Variants in KCNT2 observed in about 807,000 individuals in gnomAD.
The protein encoded by KCNT2 is potassium channel subfamily T member 2.
A neutral mutation model predicts 153.8 loss-of-function variants in KCNT2; 67 were observed. That is an observed-to-expected ratio of 0.44 (90% CI 0.36 to 0.53). The LOEUF is 0.53. Ranked by LOEUF, KCNT2 falls within the 20% of genes least tolerant of loss-of-function variation. The pLI, the probability that KCNT2 is intolerant of heterozygous loss-of-function variation, is 0.00. For missense variants in KCNT2, 975 were observed against 1,354.8 expected, an observed-to-expected ratio of 0.72 and a Z score of 4.40; for synonymous variants, 500 against 458.8, an observed-to-expected ratio of 1.09 and a Z score of -1.15.
At chr1:196,499,482 G>T (rs886421374) in intron 1 of KCNT2, among the ~76,000 whole-genome samples, 1 of 152,230 alleles carries the variant, frequency 6.6e-6, no homozygotes, top group African/African-American at 2.4e-5. Flanking sequence ...AAGATTAAGA[G>T]ATAAATTCCT....
intron 26 of KCNT2, among the ~76,000 whole-genome samples, chr1:196,236,616 G>C (rs991486722): frequency 6.6e-6 from 1 of 151,522 alleles, no homozygotes; most frequent in African/African-American, 2.4e-5. Flanking sequence ...AGAATGCAAA[G>C]AATCCTCTAG....
rs115562994 is a variant in KCNT2, at chr1:196,442,763, G to A, written c.639-13006C>T. Among the ~76,000 whole-genome samples the A allele has an allele frequency of 5.1e-3, 777 of 151,776 alleles. 6 individuals carry two copies. Among genetic ancestry groups the A allele is most frequent in the African/African-American group, 0.018 (747 of 41,508 alleles). On this transcript the variant is annotated intron_variant, in intron 8 of 27. Transcript: ENST00000294725. ...AATGTGAGATGAGAATAAAAACATA[G>A]GGAGAATAGTGTTCATGTAAGAAAT...
chr1:196,402,037 T>C (rs924687998), intron 12 of KCNT2, among the ~76,000 whole-genome samples: 1 of 151,290 alleles, frequency 6.6e-6, no homozygotes, highest in Non-Finnish European at 1.5e-5. Flanking sequence ...GGAAAAAAAC[T>C]ATGAAACCAG....
At chr1:196,258,729 A>G in intron 25 of KCNT2, 1 of 517,706 alleles carries the variant, frequency 1.9e-6, no homozygotes, top group Non-Finnish European at 3.5e-6. Flanking sequence ...TCTGGTACAA[A>G]TTTTTATGAA....
chr1:196,434,975 G>A (rs1489753581), intron 8 of KCNT2, among the ~76,000 whole-genome samples: 3 of 150,764 alleles, frequency 2.0e-5, no homozygotes, highest in Non-Finnish European at 4.4e-5. Context: ...TTTCTCCTCA[G>A]GCCATTACTG....
chr1:196,281,351 A>G (rs1420610461), intron 24 of KCNT2, among the ~76,000 whole-genome samples: 4 of 152,178 alleles, frequency 2.6e-5, no homozygotes, highest in Non-Finnish European at 5.9e-5. Flanking sequence ...AGCACTGGTA[A>G]TTGACTGGGA....
chr1:196,306,477 A>G (rs1018484913), intron 21 of KCNT2, among the ~76,000 whole-genome samples: 2 of 152,124 alleles, frequency 1.3e-5, no homozygotes, highest in Non-Finnish European at 2.9e-5. Flanking sequence ...CTTGAGCTCC[A>G]GCATTACAGA....
intron 1 of KCNT2, among the ~76,000 whole-genome samples, chr1:196,590,497 C>T (rs1416930830): frequency 1.3e-5 from 2 of 152,112 alleles, no homozygotes; most frequent in Non-Finnish European, 2.9e-5. Context: ...GCCCGCACTC[C>T]TCCTCCAGAG....
At chr1:196,387,966 T>C (rs976502352) in intron 13 of KCNT2, among the ~76,000 whole-genome samples, 1 of 151,410 alleles carries the variant, frequency 6.6e-6, no homozygotes, top group Non-Finnish European at 1.5e-5. Flanking sequence ...GTGGTTTTCG[T>C]GTGTCTCAGC....
chr1:196,559,211 T>C (rs944411422), intron 1 of KCNT2, among the ~76,000 whole-genome samples: 2 of 151,658 alleles, frequency 1.3e-5, no homozygotes, highest in African/African-American at 4.8e-5. Context: ...AATGGAATGC[T>C]CTTTCTCTTA....
intron 13 of KCNT2, among the ~76,000 whole-genome samples, chr1:196,386,103 G>A (rs554028069): frequency 6.6e-6 from 1 of 152,100 alleles, no homozygotes; most frequent in Non-Finnish European, 1.5e-5. Flanking sequence ...AGGTCCACAT[G>A]TAAGAAACCA....
At chr1:196,449,295 C>T (rs1398871337) in intron 8 of KCNT2, among the ~76,000 whole-genome samples, 1 of 151,594 alleles carries the variant, frequency 6.6e-6, no homozygotes, top group Non-Finnish European at 1.5e-5. Flanking sequence ...AATCAATGTG[C>T]TAGCAAACCA....
Position 196,427,891 on chromosome 1 carries a change from C to T in KCNT2, c.984+214G>A, listed in dbSNP as rs564011179. On this transcript the variant is annotated intron_variant, in intron 10 of 27. Coordinates refer to ENST00000294725, the MANE Select transcript of KCNT2 (RefSeq NM_198503.5). Reference sequence around the variant, plus strand: ...TAACATTATTCCATCTGTCTTTCAGCGTAGATACAGAAGGAAACTTAAAAT... The same window carrying T: ...TAACATTATTCCATCTGTCTTTCAGTGTAGATACAGAAGGAAACTTAAAAT... Among the ~76,000 whole-genome samples, 12 of 152,148 alleles carry T rather than the reference C, an allele frequency of 7.9e-5. No individual in the cohort carries two copies. In the East Asian group the frequency reaches 1.9e-3, roughly 25 times the overall value.
intron 17 of KCNT2, among the ~76,000 whole-genome samples, chr1:196,332,280 C>T (rs1664540141): frequency 6.6e-6 from 1 of 151,814 alleles, no homozygotes; most frequent in Non-Finnish European, 1.5e-5. Context: ...AAGAAAAAAT[C>T]TTTTACCTCT....
At chr1:196,252,350 G>A (rs1163878228) in intron 26 of KCNT2, among the ~76,000 whole-genome samples, 1 of 151,604 alleles carries the variant, frequency 6.6e-6, no homozygotes, top group Non-Finnish European at 1.5e-5. Flanking sequence ...AGATGTAAGA[G>A]GCCATGCACA....
chr1:196,292,376 A>C (rs1660261459), intron 22 of KCNT2, among the ~76,000 whole-genome samples: 1 of 152,236 alleles, frequency 6.6e-6, no homozygotes, highest in South Asian at 2.1e-4. Flanking sequence ...ACTCAATGGT[A>C]GAAAGTTAAA....
At chr1:196,285,299 G>C (rs1011622081) in intron 23 of KCNT2, among the ~76,000 whole-genome samples, 1 of 152,042 alleles carries the variant, frequency 6.6e-6, no homozygotes, top group African/African-American at 2.4e-5. Flanking sequence ...ATACTATAAG[G>C]AATGCTGTTT....
intron 8 of KCNT2, among the ~76,000 whole-genome samples, chr1:196,455,232 C>T (rs1158236189): frequency 1.3e-5 from 2 of 151,962 alleles, no homozygotes; most frequent in Non-Finnish European, 2.9e-5. Flanking sequence ...ATAATCTCCC[C>T]TAATTACATC....
At chr1:196,536,400 C>T (rs1655575234) in intron 1 of KCNT2, among the ~76,000 whole-genome samples, 1 of 152,210 alleles carries the variant, frequency 6.6e-6, no homozygotes, top group Admixed American at 6.5e-5. Context: ...GATCACCATT[C>T]ATATTGCTTT....
Sources: gnomAD v4.1 joint callset for allele counts (sites outside exome capture counted in the v4.1 genomes callset) on GRCh38, gnomAD v4.1.1 for gene constraint, MANE v1.5 for transcripts, NCBI Gene and HGNC (gene_info 2026-07-23, HGNC 2026-07-21) for gene names.